The following SCMH1 variants were observed in gnomAD, a reference collection of about 807,000 sequenced individuals.
SCMH1 encodes polycomb protein SCMH1.
Under a neutral mutation model 70.8 loss-of-function variants are expected in SCMH1, and 37 were observed. The observed-to-expected ratio is 0.52, with a 90% CI of 0.40 to 0.69. The LOEUF (loss-of-function observed/expected upper bound fraction) is 0.69. Among genes scored for constraint, SCMH1 ranks in the 30% least tolerant of loss-of-function variants. SCMH1 has a pLI of 0.00. For synonymous variants in SCMH1, 292 were observed against 307.4 expected (o/e 0.95, Z 0.52); for missense variants, 607 against 827.3 (o/e 0.73, Z 3.27).
rs920631392 is a variant in SCMH1, at chr1:41,167,765, C to T, written c.14-6333G>A. ...TTCATGTTTTCACGTTGCTGATTAA[C>T]GTTCTCTTCCGAATTCCCTTTAGCA... On this transcript the variant is annotated intron_variant, in intron 2 of 14. Coordinates refer to ENST00000337495, the Ensembl canonical transcript of SCMH1. 5.3e-5 allele frequency among the ~76,000 whole-genome samples: 8 copies of T among 152,114 alleles called. No homozygotes were observed. The East Asian group carries it at 5.8e-4, about 11-fold the overall frequency.
chr1:41,237,273 T>C (rs1466493643), intron 1 of SCMH1, among the ~76,000 whole-genome samples: 1 of 152,250 alleles, frequency 6.6e-6, no homozygotes, highest in Non-Finnish European at 1.5e-5. Context: ...AGATCTTGTA[T>C]GTTTCTTAAC....
At chr1:41,111,213 G>C (rs1669168959) in intron 8 of SCMH1, among the ~76,000 whole-genome samples, 3 of 152,076 alleles carry the variant, frequency 2.0e-5, no homozygotes, top group African/African-American at 7.2e-5. Context: ...ATCAAATCTT[G>C]TCACTTCCCT....
At chr1:41,044,092 G>A (rs925749112) in intron 12 of SCMH1, among the ~76,000 whole-genome samples, 1 of 152,108 alleles carries the variant, frequency 6.6e-6, no homozygotes. Flanking sequence ...AGGTAGGAAA[G>A]CTTAATGGGA....
intron 3 of SCMH1, among the ~76,000 whole-genome samples, 197 bp from the exon 4 acceptor site, chr1:41,161,095 T>C (rs1159836577): frequency 6.6e-6 from 1 of 152,178 alleles, no homozygotes; most frequent in African/African-American, 2.4e-5. Flanking sequence ...CCTAAACTTA[T>C]ACAAACTATA....
intron 8 of SCMH1, among the ~76,000 whole-genome samples, chr1:41,097,723 A>G (rs908384311): frequency 3.3e-5 from 5 of 152,234 alleles, no homozygotes; most frequent in Admixed American, 6.5e-5. Flanking sequence ...GAAATGGTGA[A>G]CTAACCAGTC....
chr1:41,061,359 A>G (rs916236537), intron 10 of SCMH1, among the ~76,000 whole-genome samples: 2 of 152,210 alleles, frequency 1.3e-5, no homozygotes, highest in African/African-American at 4.8e-5. Context: ...ATAAAGACAT[A>G]TATAGATTAA....
intron 8 of SCMH1, among the ~76,000 whole-genome samples, chr1:41,100,181 G>T (rs1666184407): frequency 2.0e-5 from 3 of 152,116 alleles, no homozygotes; most frequent in African/African-American, 7.2e-5. Flanking sequence ...ATAAAAAAGA[G>T]CAAGTATCTG....
chr1:41,140,929 G>C (rs1209341073), intron 6 of SCMH1, among the ~76,000 whole-genome samples: 1 of 152,166 alleles, frequency 6.6e-6, no homozygotes, highest in African/African-American at 2.4e-5. Flanking sequence ...TGGTGTGATG[G>C]AGTGAAACAC....
chr1:41,046,452 G>C, exon 12 of SCMH1: 2 of 1,614,222 alleles, frequency 1.2e-6, no homozygotes, highest in East Asian at 2.2e-5. Flanking sequence ...ATGGCAGTGA[G>C]TGACAAGTGA....
chr1:41,225,191 G>C (rs564008459), intron 1 of SCMH1, among the ~76,000 whole-genome samples: 90 of 152,230 alleles, frequency 5.9e-4, no homozygotes, highest in Non-Finnish European at 6.5e-4. Context: ...AACACACACA[G>C]AGCTTTAATG....
chr1:41,186,943 AC>A (rs1291178017), intron 1 of SCMH1, among the ~76,000 whole-genome samples: 2 of 152,080 alleles, frequency 1.3e-5, no homozygotes, highest in African/African-American at 4.8e-5. Flanking sequence ...CTGTTATGGC[AC>A]CCCAAGCACA....
chr1:41,146,477 C>T (rs1160281828), intron 5 of SCMH1, among the ~76,000 whole-genome samples: 1 of 152,010 alleles, frequency 6.6e-6, no homozygotes, highest in Non-Finnish European at 1.5e-5. Flanking sequence ...AATTTCCAGT[C>T]CTCCAAGCTC....
rs1295983359 is a variant in SCMH1, at chr1:41,120,822, G to T, written c.413-3812C>A. 2.6e-4 allele frequency among the ~76,000 whole-genome samples: 39 copies of T among 152,154 alleles called. 1 individual carries two copies. Among genetic ancestry groups the T allele is most frequent in the Admixed American group, 2.6e-3 (39 of 15,266 alleles). On this transcript the variant is annotated intron_variant, in intron 6 of 14. Coordinates refer to ENST00000337495, the Ensembl canonical transcript of SCMH1. The stretch of plus-strand genomic sequence containing the variant: ...CACACAAGCCAATCTTACACTGTCA[G>T]GCTGGAACCCCAGGACTTCTTATTT...
chr1:41,119,142 T>C (rs1244632540), intron 6 of SCMH1, among the ~76,000 whole-genome samples: 2 of 152,258 alleles, frequency 1.3e-5, no homozygotes, highest in Non-Finnish European at 2.9e-5. Flanking sequence ...AAACTGGCAA[T>C]GTATGGGTAA....
At chr1:41,058,523 G>C (rs974308479) in intron 10 of SCMH1, among the ~76,000 whole-genome samples, 1 of 151,738 alleles carries the variant, frequency 6.6e-6, no homozygotes, top group African/African-American at 2.4e-5. Context: ...TGGGACTACA[G>C]GTGCATGCCA....
At chr1:41,135,643 G>C (rs1572481725) in intron 6 of SCMH1, among the ~76,000 whole-genome samples, 1 of 152,236 alleles carries the variant, frequency 6.6e-6, no homozygotes, top group East Asian at 1.9e-4. Context: ...ATAGCAGCAG[G>C]AGAACGGACT....
chr1:41,086,383 T>C (rs1291512998), intron 8 of SCMH1, among the ~76,000 whole-genome samples: 1 of 151,716 alleles, frequency 6.6e-6, no homozygotes, highest in Non-Finnish European at 1.5e-5. Context: ...ATATGAAAAA[T>C]CCATATGAAG....
intron 2 of SCMH1, among the ~76,000 whole-genome samples, chr1:41,176,558 T>C (rs958301086): frequency 6.6e-6 from 1 of 152,188 alleles, no homozygotes; most frequent in Non-Finnish European, 1.5e-5. Flanking sequence ...ATCCTAATAC[T>C]GCGCTTTTCC....
At chr1:41,027,818 C>T (rs1000900753) in exon 15 of SCMH1, 12 of 205,474 alleles carry the variant, frequency 5.8e-5, no homozygotes, top group African/African-American at 2.3e-5. Context: ...TGAGAAGGTA[C>T]GAGCTGTGGG....
Sources: allele counts gnomAD v4.1 joint callset (sites outside exome capture counted in the v4.1 genomes callset), GRCh38; gene constraint gnomAD v4.1.1; transcripts MANE v1.5; gene names NCBI Gene and HGNC (gene_info 2026-07-23, HGNC 2026-07-21).